SCHIP1: variants seen among roughly 807,000 people sequenced by gnomAD.
SCHIP1 encodes schwannomin interacting protein 1.
A neutral mutation model predicts 29.7 loss-of-function variants in SCHIP1; 8 were observed. That is an observed-to-expected ratio of 0.27 (90% CI 0.16 to 0.49). The LOEUF (loss-of-function observed/expected upper bound fraction) is 0.49, where lower values mean the gene tolerates loss of function less well. Ranked by LOEUF, SCHIP1 falls within the 20% of genes least tolerant of loss-of-function variation. SCHIP1 has a pLI of 0.99. For synonymous variants in SCHIP1, 76 were observed against 94.9 expected (o/e 0.80, Z 1.16); for missense variants, 193 against 294.6 (o/e 0.66, Z 2.52).
At chr3:159,686,550 A>G in the SCHIP1 span, among the ~76,000 whole-genome samples, 1 of 152,352 alleles carries the variant, frequency 6.6e-6, no homozygotes, top group South Asian at 2.1e-4. Flanking sequence ...TACCACACAC[A>G]GATTATTGAA....
chr3:159,676,068 T>C, the SCHIP1 span, among the ~76,000 whole-genome samples: 1 of 152,010 alleles, frequency 6.6e-6, no homozygotes, highest in African/African-American at 2.4e-5. Context: ...AAGGAAGAGG[T>C]TGCAGTGAGC....
At chr3:159,892,262 C>CT (rs1560099525) in intron 6 of SCHIP1, 72 bp downstream of exon 7, 2 of 1,563,588 alleles carry the variant, frequency 1.3e-6, no homozygotes, top group Non-Finnish European at 8.8e-7. Flanking sequence ...TAGGCAAAAA[C>CT]TAGCTCAAGA....
chr3:159,623,580 C>T, the SCHIP1 span, among the ~76,000 whole-genome samples: 4 of 152,010 alleles, frequency 2.6e-5, no homozygotes, highest in South Asian at 2.1e-4. Context: ...GAGCTGAGAT[C>T]GTGCCACTGC....
chr3:159,584,276 G>A, the SCHIP1 span, among the ~76,000 whole-genome samples: 2 of 152,202 alleles, frequency 1.3e-5, no homozygotes, highest in Non-Finnish European at 2.9e-5. Flanking sequence ...GGAACTCCGG[G>A]TCTTTAATCT....
In SCHIP1 at chr3:159,889,423, C is replaced by T. The variant is rs533294287; in HGVS notation, c.589+480C>T. 1.9e-3 allele frequency among the ~76,000 whole-genome samples: 282 copies of T among 152,294 alleles called. 1 individual carries two copies. The highest frequency in any genetic ancestry group is 6.5e-3 in the African/African-American group (271 of 41,556). On this transcript the variant is annotated intron_variant, in intron 5 of 6. Transcript: ENST00000445224. ...GGGTGACAAAATACAGACTTTTCTT[C>T]CCAGAATAAAGAAAGACCTCTAACA... is the stretch of plus-strand genomic sequence containing the variant.
chr3:159,677,780 T>TCAA, the SCHIP1 span, among the ~76,000 whole-genome samples: 2 of 152,174 alleles, frequency 1.3e-5, no homozygotes, highest in African/African-American at 4.8e-5. Context: ...TGATTACACC[T>TCAA]CAACAGTTTT....
chr3:159,841,836 A>T (rs1485581692), intron 1 of SCHIP1, among the ~76,000 whole-genome samples: 2 of 152,234 alleles, frequency 1.3e-5, no homozygotes, highest in Admixed American at 1.3e-4. Flanking sequence ...AATAAAATTA[A>T]GTGTATTGGT....
the SCHIP1 span, among the ~76,000 whole-genome samples, chr3:159,756,758 C>T: frequency 6.6e-6 from 1 of 152,218 alleles, no homozygotes; most frequent in Admixed American, 6.5e-5. Context: ...CTTTGGAATG[C>T]TTGGTTGCTT....
chr3:159,851,213 C>G lies in SCHIP1; in HGVS notation c.30+10999C>G, dbSNP rs1310654210. Among the ~76,000 whole-genome samples the G allele has an allele frequency of 3.2e-4, 49 of 152,074 alleles. 1 individual carries two copies. Among genetic ancestry groups the G allele is most frequent in the Non-Finnish European group, 1.5e-5 (1 of 68,018 alleles). ...AGCTGAGGTGGGAGGATCACTTGAG[C>G]CTGGAGGTCAAGGTGGCAGTGAGCC... On this transcript the variant is annotated intron_variant, in intron 1 of 6. Coordinates refer to ENST00000445224, the Ensembl canonical transcript of SCHIP1.
the SCHIP1 span, among the ~76,000 whole-genome samples, chr3:159,572,272 C>T: frequency 6.6e-6 from 1 of 152,094 alleles, no homozygotes; most frequent in Non-Finnish European, 1.5e-5. Flanking sequence ...CTATAAATTT[C>T]CCTCTAAACA....
chr3:159,339,387 A>C, the SCHIP1 span, among the ~76,000 whole-genome samples: 1 of 152,174 alleles, frequency 6.6e-6, no homozygotes, highest in Non-Finnish European at 1.5e-5. Flanking sequence ...CACTGCTGTT[A>C]GTCCCTGTCA....
At chr3:159,750,296 T>TATATATATACAC in the SCHIP1 span, among the ~76,000 whole-genome samples, 59 of 132,744 alleles carry the variant, frequency 4.4e-4, no homozygotes, top group African/African-American at 1.7e-3. Flanking sequence ...TATATATATA[T>TATATATATACAC]ACACACACAC....
the SCHIP1 span, among the ~76,000 whole-genome samples, chr3:159,504,882 ACT>A: frequency 1.3e-5 from 2 of 152,110 alleles, no homozygotes; most frequent in Admixed American, 1.3e-4. Context: ...TAGGCAGCTT[ACT>A]CCAGGGGAGG....
chr3:159,601,539 G>A, the SCHIP1 span, among the ~76,000 whole-genome samples: 1 of 152,122 alleles, frequency 6.6e-6, no homozygotes, highest in Non-Finnish European at 1.5e-5. Flanking sequence ...GGGGGAGGAG[G>A]GGTCATATTC....
the SCHIP1 span, among the ~76,000 whole-genome samples, chr3:159,583,709 T>G: frequency 2.6e-5 from 4 of 152,170 alleles, no homozygotes; most frequent in African/African-American, 9.6e-5. Context: ...TCTTTGGAAA[T>G]CAGTATCTTT....
At chr3:159,803,778 G>A in the SCHIP1 span, among the ~76,000 whole-genome samples, 18 of 152,152 alleles carry the variant, frequency 1.2e-4, no homozygotes, top group African/African-American at 3.9e-4. Context: ...CTGTCACAGC[G>A]TTCCTTCGTC....
chr3:159,664,507 A>T, the SCHIP1 span, among the ~76,000 whole-genome samples: 1 of 147,486 alleles, frequency 6.8e-6, no homozygotes, highest in Non-Finnish European at 1.5e-5. Flanking sequence ...CTTATTTAAT[A>T]AAAAAATGTT....
At chr3:159,822,218 C>A in the SCHIP1 span, among the ~76,000 whole-genome samples, 1 of 151,920 alleles carries the variant, frequency 6.6e-6, no homozygotes, top group Non-Finnish European at 1.5e-5. Flanking sequence ...GGGATTTAAC[C>A]AAGTGAATAT....
chr3:159,891,988 T>C (rs928348240), intron 5 of SCHIP1, 109 bp from the exon 7 acceptor site: 3 of 1,225,914 alleles, frequency 2.4e-6, no homozygotes, highest in Admixed American at 2.9e-5. Context: ...TACAAAAATA[T>C]CTTTCCTATT....
Sources: gnomAD v4.1 joint callset for allele counts (sites outside exome capture counted in the v4.1 genomes callset) on GRCh38, gnomAD v4.1.1 for gene constraint, MANE v1.5 for transcripts, NCBI Gene and HGNC (gene_info 2026-07-23, HGNC 2026-07-21) for gene names.